Variants in DTNBP1 observed in about 807,000 individuals in gnomAD.
The protein encoded by DTNBP1 is dystrobrevin binding protein 1, also known as dysbindin.
Under a neutral mutation model 42.8 loss-of-function variants are expected in DTNBP1, and 35 were observed. The observed-to-expected ratio is 0.82, with a 90% CI of 0.63 to 1.09. DTNBP1 has a LOEUF of 1.09. Among genes scored for constraint, DTNBP1 ranks in the 50% least tolerant of loss-of-function variants. The pLI, the probability that DTNBP1 is intolerant of heterozygous loss-of-function variation, is 0.00. For synonymous variants in DTNBP1, 171 were observed against 162.2 expected (o/e 1.05, Z -0.41); for missense variants, 457 against 424.2 (o/e 1.08, Z -0.68).
At chr6:15,644,760 A>G (rs1304395155) in intron 3 of DTNBP1, among the ~76,000 whole-genome samples, 1 of 152,122 alleles carries the variant, frequency 6.6e-6, no homozygotes, top group Non-Finnish European at 1.5e-5. Context: ...AACATACCAA[A>G]ACCTCTGAGA....
intron 9 of DTNBP1, 126 bp downstream of exon 9, chr6:15,524,400 A>AG: frequency 6.2e-7 from 1 of 1,614,158 alleles, no homozygotes; most frequent in Non-Finnish European, 8.5e-7. Context: ...TTAGGGAGCC[A>AG]GGAGCTGGCT....
In DTNBP1 at chr6:15,533,229, C is replaced by G. The variant is rs184939400; in HGVS notation, c.667+11G>C. 39 of 1,613,120 alleles carry G rather than the reference C, an allele frequency of 2.4e-5. No homozygotes were observed. The highest frequency in any genetic ancestry group is 1.5e-4 in the Admixed American group (9 of 60,010). ...TGAGTCCCCACACCAGCAGCCCCAG[C>G]CCCCACTCGCCTCGCCGCTCTGCAA... On this transcript the variant is annotated intron_variant, in intron 8 of 9. Coordinates refer to ENST00000344537, the MANE Select transcript of DTNBP1 (RefSeq NM_032122.5).
At chr6:15,525,099 G>T (rs983269402) in intron 8 of DTNBP1, among the ~76,000 whole-genome samples, 3 of 152,232 alleles carry the variant, frequency 2.0e-5, no homozygotes, top group Non-Finnish European at 4.4e-5. Context: ...ATTGCAAGTG[G>T]AGTTTCCACT....
intron 6 of DTNBP1, 54 bp downstream of exon 6, chr6:15,615,213 A>G: frequency 6.2e-7 from 1 of 1,612,624 alleles, no homozygotes. Flanking sequence ...ATGTAAAGTA[A>G]TATGGAAAAC....
At chr6:15,661,122 C>T (rs1055788062) in intron 1 of DTNBP1, among the ~76,000 whole-genome samples, 4 of 152,218 alleles carry the variant, frequency 2.6e-5, no homozygotes, top group East Asian at 1.9e-4. Flanking sequence ...TGTTATTCAA[C>T]GCCCAATGTG....
At chr6:15,652,192 A>AT (rs1386833777) in intron 1 of DTNBP1, 52 bp from the exon 2 acceptor site, 9 of 1,437,596 alleles carry the variant, frequency 6.3e-6, no homozygotes, top group African/African-American at 2.9e-5. Context: ...GATTATTATT[A>AT]TTTTTTTGAG....
chr6:15,526,749 C>A lies in DTNBP1; in HGVS notation c.668-2080G>T, dbSNP rs543082556. 8.5e-5 allele frequency among the ~76,000 whole-genome samples: 13 copies of A among 152,252 alleles called. No individual in the cohort carries two copies. In the East Asian group the frequency reaches 2.5e-3, roughly 29 times the overall value. On this transcript the variant is annotated intron_variant, in intron 8 of 9. Coordinates refer to ENST00000344537, the MANE Select transcript of DTNBP1 (RefSeq NM_032122.5). ...GACCTACGGAAGCCTTTCGCCAAGG[C>A]CTGTCTTTTAGATCGTGGCTTCTGA...
intron 7 of DTNBP1, among the ~76,000 whole-genome samples, chr6:15,565,767 C>T (rs1314503075): frequency 6.6e-6 from 1 of 152,124 alleles, no homozygotes; most frequent in Non-Finnish European, 1.5e-5. Flanking sequence ...GTGATGAGAG[C>T]ACAACTCCTT....
intron 3 of DTNBP1, among the ~76,000 whole-genome samples, chr6:15,642,777 C>A (rs1760451252): frequency 6.6e-6 from 1 of 152,146 alleles, no homozygotes; most frequent in Non-Finnish European, 1.5e-5. Flanking sequence ...TGATAATACA[C>A]AACATATACC....
At chr6:15,534,103 T>C (rs1219692212) in intron 7 of DTNBP1, among the ~76,000 whole-genome samples, 4 of 152,196 alleles carry the variant, frequency 2.6e-5, no homozygotes, top group African/African-American at 7.2e-5. Flanking sequence ...TGCTGTGTGC[T>C]TCCACTCATA....
rs145415191 is a variant in DTNBP1 at position 15,544,219 on chromosome 6, G to A, written c.512-10824C>T. On this transcript the variant is annotated intron_variant, in intron 7 of 9. Transcript: ENST00000344537. Reference sequence around the variant, plus strand: ...TTTTTTCACTCAGCATAATTGCCTTGGGGTTTCTCCAAGCTACAGCACATA... The same window carrying A: ...TTTTTTCACTCAGCATAATTGCCTTAGGGTTTCTCCAAGCTACAGCACATA... 5.3e-5 allele frequency among the ~76,000 whole-genome samples: 8 copies of A among 152,132 alleles called. No homozygotes were observed. The East Asian group carries it at 1.5e-3, about 29-fold the overall frequency.
chr6:15,615,135 G>C (rs1421766836), intron 6 of DTNBP1, 132 bp downstream of exon 6: 3 of 1,436,956 alleles, frequency 2.1e-6, no homozygotes, highest in Non-Finnish European at 2.9e-6. Flanking sequence ...AAAAGTTTTG[G>C]AAAGCTTATT....
intron 7 of DTNBP1, among the ~76,000 whole-genome samples, chr6:15,561,200 G>A (rs1035432421): frequency 1.3e-5 from 2 of 152,130 alleles, no homozygotes; most frequent in Non-Finnish European, 2.9e-5. Flanking sequence ...AGAGGGATAG[G>A]TAATGTAAAA....
intron 4 of DTNBP1, among the ~76,000 whole-genome samples, chr6:15,631,190 C>T (rs1759675849): frequency 6.6e-6 from 1 of 152,146 alleles, no homozygotes; most frequent in East Asian, 1.9e-4. Flanking sequence ...TAAAGATATA[C>T]ATTTAAATAT....
intron 6 of DTNBP1, among the ~76,000 whole-genome samples, chr6:15,612,185 G>T (rs1207977549): frequency 2.0e-5 from 3 of 152,142 alleles, no homozygotes. Flanking sequence ...CATTACCATA[G>T]AGGCAAGACT....
chr6:15,662,920 T>C lies in DTNBP1; in HGVS notation c.-51A>G. On this transcript the variant is annotated 5_prime_UTR_variant, in exon 1 of 10. Coordinates refer to ENST00000344537, the MANE Select transcript of DTNBP1 (RefSeq NM_032122.5). ...TCAGGCCTCGGGCTGCTGCTGCCTC[T>C]GTCGCCCCCTGGGTCCCACGCCGCC... 6.3e-7 allele frequency: 1 copy of C among 1,598,326 alleles called. No individual in the cohort carries two copies. The highest frequency in any genetic ancestry group is 1.7e-4 in the Middle Eastern group (1 of 5,872).
intron 5 of DTNBP1, among the ~76,000 whole-genome samples, chr6:15,623,811 A>G (rs1023875075): frequency 1.3e-5 from 2 of 152,226 alleles, no homozygotes; most frequent in Admixed American, 6.5e-5. Context: ...ACAGAATAAG[A>G]AAGTGCATAG....
chr6:15,573,831 C>T (rs1319493990), intron 7 of DTNBP1, among the ~76,000 whole-genome samples: 4 of 152,018 alleles, frequency 2.6e-5, no homozygotes, highest in East Asian at 1.9e-4. Flanking sequence ...CTCAGCCTCC[C>T]GAGCAGCTGG....
intron 7 of DTNBP1, among the ~76,000 whole-genome samples, chr6:15,557,291 GT>G (rs1774583666): frequency 7.1e-6 from 1 of 141,234 alleles, no homozygotes; most frequent in Non-Finnish European, 1.5e-5. Flanking sequence ...TTAAAGGATT[GT>G]TTTAAGTTAG....
Sources: gnomAD v4.1 joint callset for allele counts (sites outside exome capture counted in the v4.1 genomes callset) on GRCh38, gnomAD v4.1.1 for gene constraint, MANE v1.5 for transcripts, NCBI Gene and HGNC (gene_info 2026-07-23, HGNC 2026-07-21) for gene names.